Variants in SLC4A4 observed in about 807,000 individuals in gnomAD.
SLC4A4 encodes the protein electrogenic sodium bicarbonate cotransporter 1.
In SLC4A4, 27 loss-of-function variants were observed where a neutral mutation model predicts 111.5. The ratio of observed to expected loss-of-function variants is 0.24; its 90% CI spans 0.18 to 0.33. The LOEUF (loss-of-function observed/expected upper bound fraction) is 0.33, where lower values mean the gene tolerates loss of function less well. Among genes scored for constraint, SLC4A4 ranks in the 10% least tolerant of loss-of-function variants. SLC4A4 has a pLI of 1.00. For missense variants in SLC4A4, 909 were observed against 1,315.5 expected (o/e 0.69, Z 4.78); for synonymous variants, 443 against 463.4 (o/e 0.96, Z 0.57).
chr4:71,304,956 A>G (rs1725566180), intron 3 of SLC4A4, among the ~76,000 whole-genome samples: 1 of 152,246 alleles, frequency 6.6e-6, no homozygotes, highest in Non-Finnish European at 1.5e-5. Context: ...AATTAATAGA[A>G]GTTATATTAT....
rs577129524 is a variant in SLC4A4, at chr4:71,453,758, A to T, written c.1497+89A>T. 4.2e-6 allele frequency: 5 copies of T among 1,197,848 alleles called. No homozygotes were observed. The African/African-American group carries it at 7.5e-5, about 18-fold the overall frequency. The allele number at this position is 1,197,848 out of a possible 1,614,324, so 74.2% of individuals were successfully genotyped here. The stretch of plus-strand genomic sequence containing the variant: ...CTCAGTTAGAAGCAGATGGCCTTTC[A>T]GTTACTCAGCGTGATTTTCTTTCTT... On this transcript the variant is annotated intron_variant, in intron 12 of 25. Transcript: ENST00000264485.
intron 1 of SLC4A4, among the ~76,000 whole-genome samples, chr4:71,063,345 G>A (rs542404833): frequency 1.3e-5 from 2 of 152,164 alleles, no homozygotes; most frequent in Admixed American, 6.5e-5. Flanking sequence ...TCCATTAAAC[G>A]TCAGGTTATA....
intron 1 of SLC4A4, among the ~76,000 whole-genome samples, chr4:71,189,786 T>A (rs1745651109): frequency 6.6e-6 from 1 of 152,244 alleles, no homozygotes; most frequent in African/African-American, 2.4e-5. Flanking sequence ...GATACATATC[T>A]GTTTCTTGGA....
At chr4:71,322,758 A>G (rs1165155144) in intron 3 of SLC4A4, among the ~76,000 whole-genome samples, 1 of 151,974 alleles carries the variant, frequency 6.6e-6, no homozygotes, top group Non-Finnish European at 1.5e-5. Flanking sequence ...TGCACAAGAA[A>G]CTTTCAGGTC....
intron 2 of SLC4A4, among the ~76,000 whole-genome samples, chr4:71,159,267 T>A (rs559342517): frequency 6.6e-6 from 1 of 152,356 alleles, no homozygotes; most frequent in Non-Finnish European, 1.5e-5. Context: ...GTTTTTTCAA[T>A]TTTTTAATCT....
At chr4:71,372,914 G>A (rs1392636022) in intron 6 of SLC4A4, among the ~76,000 whole-genome samples, 1 of 151,682 alleles carries the variant, frequency 6.6e-6, no homozygotes, top group African/African-American at 2.4e-5. Flanking sequence ...CTACAATCAG[G>A]CTACACAGTT....
At chr4:71,120,898 G>A (rs980344357) in intron 2 of SLC4A4, among the ~76,000 whole-genome samples, 5 of 152,306 alleles carry the variant, frequency 3.3e-5, no homozygotes, top group African/African-American at 1.2e-4. Flanking sequence ...GGCCGGAGCC[G>A]GCTCCCTCTG....
chr4:71,170,858 T>C (rs963820797), intron 2 of SLC4A4, among the ~76,000 whole-genome samples: 29 of 152,154 alleles, frequency 1.9e-4, no homozygotes, highest in Admixed American at 1.3e-4. Flanking sequence ...AACATTTAAA[T>C]TGGATATTTT....
intron 21 of SLC4A4, among the ~76,000 whole-genome samples, chr4:71,555,557 A>G (rs1230489497): frequency 6.6e-6 from 1 of 151,902 alleles, no homozygotes; most frequent in Non-Finnish European, 1.5e-5. Flanking sequence ...GTTCTTAAAG[A>G]TAGTGTTTAT....
chr4:71,101,097 A>C (rs966948689), intron 2 of SLC4A4, among the ~76,000 whole-genome samples: 1 of 152,078 alleles, frequency 6.6e-6, no homozygotes, highest in Admixed American at 6.5e-5. Flanking sequence ...ATCTCTACTA[A>C]AAGTACAAAA....
At chr4:71,201,429 A>T (rs1746245727) in intron 1 of SLC4A4, among the ~76,000 whole-genome samples, 1 of 152,216 alleles carries the variant, frequency 6.6e-6, no homozygotes, top group Non-Finnish European at 1.5e-5. Flanking sequence ...GTCATCAATG[A>T]ACACTCCACC....
chr4:71,065,395 T>A (rs527479234), intron 1 of SLC4A4, among the ~76,000 whole-genome samples: 1 of 139,594 alleles, frequency 7.2e-6, no homozygotes, highest in African/African-American at 2.5e-5. Context: ...ATGTTGTGAA[T>A]TATTGGGCCA....
chr4:71,354,420 G>A (rs770052312), intron 5 of SLC4A4, among the ~76,000 whole-genome samples: 25 of 152,044 alleles, frequency 1.6e-4, no homozygotes, highest in Non-Finnish European at 2.9e-4. Flanking sequence ...AAATAACCCG[G>A]AACATATTAC....
intron 4 of SLC4A4, among the ~76,000 whole-genome samples, chr4:71,346,541 C>T (rs1184009036): frequency 2.0e-5 from 3 of 150,190 alleles, no homozygotes; most frequent in Non-Finnish European, 3.0e-5. Context: ...TTTTTTTAAA[C>T]GTAATTGCAT....
intron 2 of SLC4A4, among the ~76,000 whole-genome samples, chr4:71,165,697 G>A (rs1285363117): frequency 6.6e-6 from 1 of 151,996 alleles, no homozygotes; most frequent in Non-Finnish European, 1.5e-5. Context: ...AGAAGTTAAA[G>A]TATAATGATA....
At chr4:71,563,919 C>T (rs781152313) in intron 24 of SLC4A4, 30 bp downstream of exon 24, 1 of 1,356,026 alleles carries the variant, frequency 7.4e-7, no homozygotes, top group East Asian at 2.3e-5. Context: ...TGCATGCTTG[C>T]TTGAATATGA....
chr4:71,553,923 T>C (rs1222169573), intron 20 of SLC4A4, among the ~76,000 whole-genome samples: 1 of 151,900 alleles, frequency 6.6e-6, no homozygotes, highest in Non-Finnish European at 1.5e-5. Context: ...ATTAGCTACA[T>C]TAAAATTGTT....
intron 2 of SLC4A4, among the ~76,000 whole-genome samples, chr4:71,120,077 G>C (rs1743374153): frequency 6.6e-6 from 1 of 152,014 alleles, no homozygotes; most frequent in African/African-American, 2.4e-5. Context: ...GATAATATTG[G>C]AAGGTTTTGA....
In SLC4A4 at chr4:71,284,200, A is replaced by G. The variant is rs1723736782; in HGVS notation, c.253+28801A>G. Among the ~76,000 whole-genome samples the G allele has an allele frequency of 2.0e-5, 3 of 152,130 alleles. No individual in the cohort carries two copies. In the South Asian group the frequency reaches 6.2e-4, roughly 32 times the overall value. ...TATACTCTTTGCCAGATTCATTACT[A>G]CTCCTTTAATGGTAGAAAGACTTGG... On this transcript the variant is annotated intron_variant, in intron 3 of 25. Coordinates refer to ENST00000264485, the MANE Select transcript of SLC4A4 (RefSeq NM_001098484.3).
Sources: allele counts gnomAD v4.1 joint callset (sites outside exome capture counted in the v4.1 genomes callset), GRCh38; gene constraint gnomAD v4.1.1; transcripts MANE v1.5; gene names NCBI Gene and HGNC (gene_info 2026-07-23, HGNC 2026-07-21).